The following LIMCH1 variants were observed in gnomAD, a reference collection of about 807,000 sequenced individuals.
LIMCH1 encodes the protein LIM and calponin homology domains-containing protein 1.
LIMCH1 carries 113 observed loss-of-function variants against 176.5 expected under a neutral mutation model. The ratio of observed to expected loss-of-function variants is 0.64; its 90% confidence interval spans 0.55 to 0.75. The LOEUF (loss-of-function observed/expected upper bound fraction) is 0.75. LIMCH1 is among the 30% of genes least tolerant of loss of function. The pLI, the probability that LIMCH1 is intolerant of heterozygous loss-of-function variation, is 0.00. For missense variants in LIMCH1, 1,674 were observed against 1,814.9 expected (o/e 0.92, Z 1.41); for synonymous variants, 619 against 645.9 (o/e 0.96, Z 0.63).
Position 41,465,574 on chromosome 4 carries a change from G to A in LIMCH1, c.97-28962G>A, listed in dbSNP as rs185357433. On this transcript the variant is annotated intron_variant, in intron 1 of 26. Coordinates refer to the LIMCH1 transcript ENST00000313860. ...GTAAAGAAGTTCGTATGCAGCACGG[G>A]TTACAGCCCACTTCTTTGGTTGCTG... is the stretch of plus-strand genomic sequence containing the variant. 2.2e-3 allele frequency among the ~76,000 whole-genome samples: 334 copies of A among 152,272 alleles called. 3 individuals are homozygous for A. The highest frequency in any genetic ancestry group is 6.9e-3 in the African/African-American group (287 of 41,536).
chr4:41,422,733 C>T lies in LIMCH1; in HGVS notation c.96+61797C>T, dbSNP rs539414409. Among the ~76,000 whole-genome samples the T allele has an allele frequency of 4.6e-5, 7 of 152,108 alleles. No individual in the cohort carries two copies. In the South Asian group the frequency reaches 6.2e-4, roughly 14 times the overall value. On this transcript the variant is annotated intron_variant, in intron 1 of 26. Coordinates refer to the LIMCH1 transcript ENST00000313860. ...TTTTCCTGTGTGGCTCTAGCAGATA[C>T]GGACATTTCTTTTTTCTTTCTTTCC...
intron 23 of LIMCH1, among the ~76,000 whole-genome samples, chr4:41,678,531 C>G (rs1277739105): frequency 6.6e-6 from 1 of 152,170 alleles, no homozygotes. Context: ...AGCCAAGAGT[C>G]AGATTTCCAC....
At position 41,646,116 on chromosome 4, in the gene LIMCH1, C is replaced by G. The variant is rs1301420767; in HGVS notation, c.2254-7C>G. The G allele has an allele frequency of 6.3e-7, 1 of 1,597,244 alleles. No homozygotes were observed. Among genetic ancestry groups the G allele is most frequent in the Admixed American group, 1.8e-5 (1 of 55,098 alleles). ...AGAAGAATATTATATCTTTCTTTCC[C>G]TGCCAGGACCTGGCTCGTTGGAAGA... On this transcript the variant is annotated splice_region_variant and splice_polypyrimidine_tract_variant and intron_variant, in intron 15 of 31. Coordinates refer to ENST00000503057, the MANE Select transcript of LIMCH1 (RefSeq NM_001330672.2).
intron 1 of LIMCH1, among the ~76,000 whole-genome samples, chr4:41,443,183 G>GTTT (rs1265290139): frequency 1.1e-4 from 3 of 27,352 alleles, no homozygotes; most frequent in African/African-American, 1.0e-3. Flanking sequence ...CATATTGGAT[G>GTTT]TTTTTTTTCT....
chr4:41,586,105 C>T (rs2086424349), intron 1 of LIMCH1, among the ~76,000 whole-genome samples: 1 of 139,286 alleles, frequency 7.2e-6, no homozygotes, highest in Non-Finnish European at 1.6e-5. Context: ...ACTCCCCTCC[C>T]CTCCTCTCCC....
In LIMCH1 at chr4:41,697,383, T is replaced by C; in HGVS notation, c.*198T>C. 3 of 576,316 alleles carry C rather than the reference T, an allele frequency of 5.2e-6. No homozygotes were observed. Among genetic ancestry groups the C allele is most frequent in the Non-Finnish European group, 9.2e-6 (3 of 325,268 alleles). The allele number at this position is 576,316 out of a possible 1,614,324, so 35.7% of individuals were successfully genotyped here. ...TTTATTGTTTTGGTTTTTTTTTTTTTTTTGCATTTGCACAGTATACACAAA... is the reference window on the plus strand; with the variant it reads ...TTTATTGTTTTGGTTTTTTTTTTTTCTTTGCATTTGCACAGTATACACAAA... On this transcript the variant is annotated 3_prime_UTR_variant, in exon 32 of 32. Transcript: ENST00000503057.
chr4:41,660,255 TCATTCCC>T (rs1383529174), intron 18 of LIMCH1, among the ~76,000 whole-genome samples: 1 of 152,218 alleles, frequency 6.6e-6, no homozygotes, highest in Non-Finnish European at 1.5e-5. Context: ...ATTCATTCAA[TCATTCCC>T]CAATTATTGG....
At chr4:41,684,363 C>G (rs1176271506) in intron 26 of LIMCH1, 34 bp from the exon 27 acceptor site, 1 of 1,591,720 alleles carries the variant, frequency 6.3e-7, no homozygotes, top group African/African-American at 1.3e-5. Context: ...TTACTTTTCT[C>G]TCTGCTCTGA....
intron 1 of LIMCH1, among the ~76,000 whole-genome samples, chr4:41,573,964 A>G (rs187531370): frequency 2.0e-5 from 3 of 152,258 alleles, no homozygotes; most frequent in Non-Finnish European, 4.4e-5. Flanking sequence ...GCTCCCGTCT[A>G]TAATACAATT....
intron 1 of LIMCH1, among the ~76,000 whole-genome samples, chr4:41,388,449 A>G (rs2056778521): frequency 6.6e-6 from 1 of 152,244 alleles, no homozygotes; most frequent in South Asian, 2.1e-4. Flanking sequence ...ATAGAGACAG[A>G]AAACAGAGTT....
chr4:41,392,132 G>A (rs1005876175), intron 1 of LIMCH1, among the ~76,000 whole-genome samples: 1 of 152,098 alleles, frequency 6.6e-6, no homozygotes, highest in Non-Finnish European at 1.5e-5. Context: ...TTTCTTAATA[G>A]GTATTTAACA....
At position 41,596,259 on chromosome 4, in the gene LIMCH1, C is replaced by T. The variant is rs533380575; in HGVS notation, c.-240-2661C>T. ...TTTACATGTAAACGTACCAAATGAA[C>T]ATCCACATGTACTTCTTCCACTGGC... On this transcript the variant is annotated intron_variant, in intron 1 of 31. Transcript: ENST00000503057. 2.6e-4 allele frequency among the ~76,000 whole-genome samples: 35 copies of T among 132,200 alleles called. 1 individual carries two copies. The South Asian group carries it at 6.9e-3, about 26-fold the overall frequency. The allele number at this position is 132,200 out of a possible 152,430, so 86.7% of individuals were successfully genotyped here. A position where few individuals can be genotyped will look rare whatever the true frequency, so the allele number is the denominator to read the frequency against.
At chr4:41,669,578 A>C (rs2094945016) in intron 21 of LIMCH1, among the ~76,000 whole-genome samples, 1 of 152,208 alleles carries the variant, frequency 6.6e-6, no homozygotes, top group South Asian at 2.1e-4. Context: ...CATGCTGCAC[A>C]TCTCACCACA....
intron 1 of LIMCH1, among the ~76,000 whole-genome samples, chr4:41,470,083 G>C (rs1218773653): frequency 1.3e-5 from 2 of 152,166 alleles, no homozygotes; most frequent in African/African-American, 2.4e-5. Flanking sequence ...TCTTGAAGGA[G>C]GCAGAAGGAG....
At chr4:41,413,079 T>C (rs1331839244) in intron 1 of LIMCH1, among the ~76,000 whole-genome samples, 1 of 152,138 alleles carries the variant, frequency 6.6e-6, no homozygotes, top group Non-Finnish European at 1.5e-5. Flanking sequence ...AAATGTCAAA[T>C]TCCCTTCTCC....
chr4:41,460,409 T>C (rs2065148912), intron 1 of LIMCH1, among the ~76,000 whole-genome samples: 1 of 144,896 alleles, frequency 6.9e-6, no homozygotes, highest in South Asian at 2.2e-4. Context: ...GGCCTTGGTC[T>C]GTAGAATGAG....
chr4:41,387,209 AACAT>A (rs1421077450), intron 1 of LIMCH1, among the ~76,000 whole-genome samples: 1 of 152,216 alleles, frequency 6.6e-6, no homozygotes, highest in Non-Finnish European at 1.5e-5. Flanking sequence ...ATGTACAGAT[AACAT>A]ACATGAGAAC....
At chr4:41,361,359 C>T (rs1409181363) in intron 1 of LIMCH1, among the ~76,000 whole-genome samples, 1 of 152,240 alleles carries the variant, frequency 6.6e-6, no homozygotes, top group Non-Finnish European at 1.5e-5. Flanking sequence ...CTTCTGGTCC[C>T]ACATTTCGCC....
chr4:41,401,104 C>T (rs1019345890), intron 1 of LIMCH1, among the ~76,000 whole-genome samples: 1 of 152,170 alleles, frequency 6.6e-6, no homozygotes, highest in Non-Finnish European at 1.5e-5. Context: ...GAAGTCCTTG[C>T]CCATGCCTAT....
Sources: gnomAD v4.1 joint callset for allele counts (sites outside exome capture counted in the v4.1 genomes callset) on GRCh38, gnomAD v4.1.1 for gene constraint, MANE v1.5 for transcripts, NCBI Gene and HGNC (gene_info 2026-07-23, HGNC 2026-07-21) for gene names.